Variants in LIPE observed in about 807,000 individuals in gnomAD.
LIPE encodes the protein hormone-sensitive lipase.
In LIPE, 66 loss-of-function variants were observed where a neutral mutation model predicts 88.5. That is an observed-to-expected ratio of 0.75 (90% confidence interval 0.61 to 0.91). The LOEUF (loss-of-function observed/expected upper bound fraction) is 0.91. LIPE is among the 40% of genes least tolerant of loss of function. LIPE has a pLI of 0.00. For synonymous variants in LIPE, 570 were observed against 617.5 expected (o/e 0.92, Z 1.14); for missense variants, 1,346 against 1,434.7 (o/e 0.94, Z 1.00).
rs1382138432 is a variant in LIPE, at chr19:42,408,949, G to A, written c.1420-627C>T. On this transcript the variant is annotated intron_variant, in intron 2 of 9. Transcript: ENST00000244289. The surrounding 1 kb of genome is among the most constrained non-coding windows in gnomAD (Gnocchi z 4.3). ...CAGGTGGTGACATTGGAGAGGCAAA[G>A]GGGGCTCATATAGGGCCTGGGCAGA... 6.6e-6 allele frequency among the ~76,000 whole-genome samples: 1 copy of A among 152,096 alleles called. No individual in the cohort carries two copies.
Position 42,403,010 on chromosome 19 carries a change from G to T in LIPE, c.2564C>A (p.Ser855Tyr). 1 of 1,580,778 alleles carries T rather than the reference G, an allele frequency of 6.3e-7. No individual in the cohort carries two copies. ...CTGGGGCTGGGCCAGTGCTGCTTCA[G>T]ACACACTGCGGCGCATCGGCTCTGA... ...PIAEPMRRSV[S>Y]EAALAQPQGP... Residue 855 changes from serine (S) to tyrosine (Y), a missense_variant, in exon 9 of 10, where the codon TCT becomes TAT. Ser to Tyr is a moderately radical substitution (Grantham distance 144). Transcript: ENST00000244289.
At chr19:42,419,260 A>G (rs2040549217) in intron 1 of LIPE, among the ~76,000 whole-genome samples, 1 of 152,208 alleles carries the variant, frequency 6.6e-6, no homozygotes, top group Admixed American at 6.5e-5. Context: ...CCTCGGCAAC[A>G]AGACAGAAAC....
At chr19:42,422,525 G>A (rs2040618651) in intron 1 of LIPE, among the ~76,000 whole-genome samples, 1 of 152,194 alleles carries the variant, frequency 6.6e-6, no homozygotes, top group Non-Finnish European at 1.5e-5. Flanking sequence ...CTGGGCTAAT[G>A]ATGTGTTCTA....
At position 42,414,034 on chromosome 19, in the gene LIPE, G is replaced by A. The variant is rs549093255; in HGVS notation, c.884-3192C>T. ...TGGCTCATGCCTATAATGCCAGCAC[G>A]TTGGGAGGCCGACGTGGGTGGGCCA... On this transcript the variant is annotated intron_variant, in intron 1 of 9. Transcript: ENST00000244289. This position sits in a 1 kb window ranked among gnomAD's most constrained non-coding sequence, Gnocchi z 4.6. Among the ~76,000 whole-genome samples the A allele has an allele frequency of 2.6e-5, 4 of 152,190 alleles. No individual in the cohort carries two copies. The highest frequency in any genetic ancestry group is 1.9e-4 in the East Asian group (1 of 5,148).
Position 42,406,339 on chromosome 19 carries a change from G to A in LIPE, c.2187C>T (p.Asn729=), listed in dbSNP as rs1292289256. 1 of 1,614,204 alleles carries A rather than the reference G, an allele frequency of 6.2e-7. No homozygotes were observed. The change falls in exon 7 of 10, where the codon AAC becomes AAT. Residue 729 remains asparagine, a synonymous_variant. Transcript: ENST00000244289. The surrounding 1 kb of genome is among the most constrained non-coding windows in gnomAD (Gnocchi z 5.7). ...CCCGAAGAGCCACGGTGAAGCAGAG[G>A]TTCCCGCCTGCACTGTCCCCCGCAA... ...ICLAGDSAGG[N]LCFTVALRAA...
intron 9 of LIPE, 39 bp from the exon 10 acceptor site, chr19:42,402,114 G>GGACA: frequency 7.0e-7 from 1 of 1,431,720 alleles, no homozygotes; most frequent in Non-Finnish European, 9.2e-7. Context: ...AGAGGGTGGG[G>GGACA]GACAGACAGA....
chr19:42,415,879 G>A (rs2040477236), intron 1 of LIPE, among the ~76,000 whole-genome samples: 1 of 151,968 alleles, frequency 6.6e-6, no homozygotes, highest in African/African-American at 2.4e-5. Context: ...TGGATAGAAG[G>A]TCAAACCAGC....
chr19:42,406,009 C>T lies in LIPE; in HGVS notation c.2365+152G>A. On this transcript the variant is annotated intron_variant, in intron 7 of 9. Transcript: ENST00000244289. The surrounding 1 kb of genome is among the most constrained non-coding windows in gnomAD (Gnocchi z 5.7). ...ACACACACACACACACACACACACA[C>T]ACACACACACGAAAAAAAAGGGACA... The T allele has an allele frequency of 1.6e-6, 1 of 626,636 alleles. No individual in the cohort carries two copies. The highest frequency in any genetic ancestry group is 2.8e-6 in the Non-Finnish European group (1 of 360,954). The allele number at this position is 626,636 out of a possible 1,614,324, so 38.8% of individuals were successfully genotyped here.
intron 1 of LIPE, among the ~76,000 whole-genome samples, 187 bp downstream of exon 1, chr19:42,426,080 G>A (rs2040701071): frequency 6.7e-6 from 1 of 148,348 alleles, no homozygotes; most frequent in East Asian, 2.0e-4. Flanking sequence ...GGGATTACAG[G>A]TGTGAGCCAC....
At position 42,410,926 on chromosome 19, in the gene LIPE, C is replaced by T; in HGVS notation, c.884-84G>A. On this transcript the variant is annotated intron_variant, in intron 1 of 9. Transcript: ENST00000244289. This position sits in a 1 kb window ranked among gnomAD's most constrained non-coding sequence, Gnocchi z 6.1. ...GCCCAGGAGTCTGGGCCATAGCTTA[C>T]CCACTCCTCCTTCAAACCTCAGTGC... 7.6e-7 allele frequency: 1 copy of T among 1,310,218 alleles called. No individual in the cohort carries two copies. The highest frequency in any genetic ancestry group is 1.5e-5 in the South Asian group (1 of 68,462). The allele number at this position is 1,310,218 out of a possible 1,614,324, so 81.2% of individuals were successfully genotyped here.
At chr19:42,417,617 T>G (rs975452742) in intron 1 of LIPE, among the ~76,000 whole-genome samples, 1 of 152,112 alleles carries the variant, frequency 6.6e-6, no homozygotes, top group Non-Finnish European at 1.5e-5. Flanking sequence ...ACACTGGACC[T>G]CAAGTGATCA....
chr19:42,418,818 T>C (rs1197612420), intron 1 of LIPE, among the ~76,000 whole-genome samples: 3 of 152,238 alleles, frequency 2.0e-5, no homozygotes, highest in Non-Finnish European at 4.4e-5. Flanking sequence ...CAAATATCTC[T>C]GAGACATGCC....
intron 1 of LIPE, among the ~76,000 whole-genome samples, chr19:42,422,601 T>C (rs768799982): frequency 5.3e-5 from 8 of 152,152 alleles, no homozygotes; most frequent in Non-Finnish European, 1.2e-4. Context: ...CCTTCCTGCA[T>C]GGGAACCTCC....
rs527373364 is a variant in LIPE, at chr19:42,424,268, C to T, written c.883+1999G>A. 530 of 509,838 alleles carry T rather than the reference C, an allele frequency of 1.0e-3. 2 individuals are homozygous for T. Among genetic ancestry groups the T allele is most frequent in the Non-Finnish European group, 1.6e-3 (431 of 276,090 alleles). The allele number at this position is 509,838 out of a possible 1,614,324, so 31.6% of individuals were successfully genotyped here. On this transcript the variant is annotated intron_variant, in intron 1 of 9. Transcript: ENST00000244289. The stretch of plus-strand genomic sequence containing the variant: ...ACTAGCTTCAGGCCGCGGGCCGGCC[C>T]AAGAGCGGAGGTAGAGGGAACGACG...
rs545134195 is a variant in LIPE, at chr19:42,427,232, C to G, written c.-83G>C. ...CCCAGCCCTCTCTCTTCACAGATCT[C>G]TCATTGATTCCTCATGATGGCACTT... On this transcript the variant is annotated 5_prime_UTR_variant, in exon 1 of 10. Transcript: ENST00000244289. 24 of 1,473,686 alleles carry G rather than the reference C, an allele frequency of 1.6e-5. No homozygotes were observed. In the East Asian group the frequency reaches 3.3e-4, roughly 20 times the overall value. The allele number at this position is 1,473,686 out of a possible 1,614,324, so 91.3% of individuals were successfully genotyped here. A position where few individuals can be genotyped will look rare whatever the true frequency, so the allele number is the denominator to read the frequency against.
At position 42,403,033 on chromosome 19, in the gene LIPE, TGA is replaced by T. The variant is rs1273552688; in HGVS notation, c.2543-4_2543-3del. 50 of 1,544,814 alleles carry T rather than the reference TGA, an allele frequency of 3.2e-5. No individual in the cohort carries two copies. The highest frequency in any genetic ancestry group is 4.1e-5 in the Non-Finnish European group (47 of 1,147,394). On this transcript the variant is annotated splice_polypyrimidine_tract_variant and splice_region_variant and intron_variant, in intron 8 of 9. Transcript: ENST00000244289. ...CAGACACACTGCGGCGCATCGGCTC[TGA>T]GAGAGGGAGAGCAGATAGGCCTGGC...
rs775049593 is a variant in LIPE at position 42,426,451 on chromosome 19, C to T, written c.699G>A (p.Glu233=). ...AAGATGATCCCACATCTGATTCTGA[C>T]TCAGAATCTGTGACCCACTCAGAAA... The part of the protein sequence containing the change: ...KALSEWVTDS[E]SESDVGSSSD... Residue 233 remains glutamate, a synonymous_variant, in exon 1 of 10, where the codon GAG becomes GAA. Coordinates refer to ENST00000244289, the MANE Select transcript of LIPE (RefSeq NM_005357.4). 2 of 1,613,670 alleles carry T rather than the reference C, an allele frequency of 1.2e-6. No individual in the cohort carries two copies. Among genetic ancestry groups the T allele is most frequent in the East Asian group, 4.5e-5 (2 of 44,868 alleles).
chr19:42,414,648 C>T lies in LIPE; in HGVS notation c.884-3806G>A, dbSNP rs543494928. Among the ~76,000 whole-genome samples, 2 of 152,352 alleles carry T rather than the reference C, an allele frequency of 1.3e-5. No individual in the cohort carries two copies. The highest frequency in any genetic ancestry group is 6.5e-5 in the Admixed American group (1 of 15,298). On this transcript the variant is annotated intron_variant, in intron 1 of 9. Transcript: ENST00000244289. This position sits in a 1 kb window ranked among gnomAD's most constrained non-coding sequence, Gnocchi z 4.6. ...AAATTGAAGGTTTGTGGCAACCCTG[C>T]GTCAAACCAGTCTGTTGGCACCATT...
chr19:42,402,728 C>T lies in LIPE; in HGVS notation c.2846G>A (p.Arg949His), dbSNP rs754984331. ...AAFPEGFHPRRSSQGATQMPL... is the reference protein window; with the variant it reads ...AAFPEGFHPRHSSQGATQMPL... ...CATCTGTGTGGCACCCTGGCTGGAG[C>T]GTCGGGGGTGGAAACCCTCGGGGAA... is the stretch of plus-strand genomic sequence containing the variant. The change falls in exon 9 of 10, where the codon CGC becomes CAC. Residue 949 changes from arginine (R) to histidine (H), a missense_variant. Transcript: ENST00000244289. 10 of 1,556,356 alleles carry T rather than the reference C, an allele frequency of 6.4e-6. No homozygotes were observed. Among genetic ancestry groups the T allele is most frequent in the Non-Finnish European group, 7.0e-6 (8 of 1,145,898 alleles).
Sources: allele counts gnomAD v4.1 joint callset (sites outside exome capture counted in the v4.1 genomes callset), GRCh38; gene constraint gnomAD v4.1.1; non-coding constraint Gnocchi (gnomAD v3.1); transcripts MANE v1.5; gene names NCBI Gene and HGNC (gene_info 2026-07-23, HGNC 2026-07-21).